Variants in TTC28 observed in about 807,000 individuals in gnomAD.
The protein encoded by TTC28 is tetratricopeptide repeat domain 28, also known as tetratricopeptide repeat protein 28.
A neutral mutation model predicts 198.0 loss-of-function variants in TTC28; 61 were observed. The ratio of observed to expected loss-of-function variants is 0.31; its 90% CI spans 0.25 to 0.38. The LOEUF is 0.38. Ranked by LOEUF, TTC28 falls within the 10% of genes least tolerant of loss-of-function variation. The pLI is 1.00. For missense variants in TTC28, 2,678 were observed against 3,164.0 expected, an observed-to-expected ratio of 0.85 and a Z score of 3.69; for synonymous variants, 1,171 against 1,297.8, an observed-to-expected ratio of 0.90 and a Z score of 2.10.
chr22:28,577,800 T>C (rs2050174392), intron 2 of TTC28, among the ~76,000 whole-genome samples: 1 of 152,186 alleles, frequency 6.6e-6, no homozygotes, highest in African/African-American at 2.4e-5. Context: ...TCTTTTTTGG[T>C]TTCCATTTGC....
intron 2 of TTC28, among the ~76,000 whole-genome samples, chr22:28,378,189 C>T (rs1019285009): frequency 4.0e-5 from 6 of 151,874 alleles, no homozygotes; most frequent in Admixed American, 1.3e-4. Context: ...CTAAAAAATA[C>T]AAGAACATTA....
chr22:28,036,962 T>C (rs1191101612), intron 12 of TTC28, among the ~76,000 whole-genome samples: 1 of 152,060 alleles, frequency 6.6e-6, no homozygotes, highest in Non-Finnish European at 1.5e-5. Context: ...CTCCCAAGAC[T>C]AAACTAGGAA....
intron 2 of TTC28, among the ~76,000 whole-genome samples, chr22:28,463,760 T>A (rs999650517): frequency 6.7e-6 from 1 of 149,454 alleles, no homozygotes; most frequent in Admixed American, 6.7e-5. Flanking sequence ...CGGGGCCTGT[T>A]GTGGGGTAGG....
At chr22:27,984,497 C>T (rs1601478591) in intron 22 of TTC28, among the ~76,000 whole-genome samples, 1 of 152,070 alleles carries the variant, frequency 6.6e-6, no homozygotes, top group East Asian at 1.9e-4. Flanking sequence ...CCTGGAATGC[C>T]CACAGGACAC....
chr22:28,636,924 A>G (rs1280063068), intron 1 of TTC28, among the ~76,000 whole-genome samples: 1 of 151,870 alleles, frequency 6.6e-6, no homozygotes, highest in Non-Finnish European at 1.5e-5. Context: ...TGTCACATCC[A>G]AAAAATCATT....
intron 2 of TTC28, among the ~76,000 whole-genome samples, chr22:28,597,796 C>T (rs559691782): frequency 6.6e-6 from 1 of 152,136 alleles, no homozygotes; most frequent in South Asian, 2.1e-4. Flanking sequence ...TTACCTTTTG[C>T]GGGGAGGTGG....
chr22:28,644,028 C>A (rs765853504), intron 1 of TTC28, among the ~76,000 whole-genome samples: 1 of 152,088 alleles, frequency 6.6e-6, no homozygotes, highest in Non-Finnish European at 1.5e-5. Context: ...TGATTCAAAC[C>A]CTTGTGCAGG....
intron 2 of TTC28, among the ~76,000 whole-genome samples, chr22:28,624,042 G>A (rs912473669): frequency 2.0e-5 from 3 of 152,046 alleles, no homozygotes; most frequent in African/African-American, 4.8e-5. Flanking sequence ...ATAAACAGCA[G>A]ACATCAGTGA....
At chr22:28,394,467 G>T (rs2046783758) in intron 2 of TTC28, among the ~76,000 whole-genome samples, 1 of 152,146 alleles carries the variant, frequency 6.6e-6, no homozygotes, top group Non-Finnish European at 1.5e-5. Flanking sequence ...AAAACTCTCA[G>T]CCCCACATAA....
chr22:28,326,605 T>C (rs1470596337), intron 2 of TTC28, among the ~76,000 whole-genome samples: 1 of 152,174 alleles, frequency 6.6e-6, no homozygotes, highest in African/African-American at 2.4e-5. Context: ...AATGCTTGTT[T>C]TATAATTAAA....
intron 12 of TTC28, among the ~76,000 whole-genome samples, chr22:28,077,526 C>T (rs1187687516): frequency 4.6e-5 from 7 of 152,206 alleles, no homozygotes; most frequent in Admixed American, 4.6e-4. Flanking sequence ...TTCGACCAGT[C>T]ATTTAAAAGA....
chr22:28,658,292 T>C (rs1462074124), intron 1 of TTC28, among the ~76,000 whole-genome samples: 1 of 152,204 alleles, frequency 6.6e-6, no homozygotes, highest in Non-Finnish European at 1.5e-5. Flanking sequence ...CCAGTAAATA[T>C]ATGAAATAAT....
At chr22:28,403,248 C>G (rs1364259195) in intron 2 of TTC28, among the ~76,000 whole-genome samples, 1 of 152,150 alleles carries the variant, frequency 6.6e-6, no homozygotes, top group Admixed American at 6.5e-5. Context: ...AGACCCAACA[C>G]GACTATCTAC....
At chr22:28,341,114 T>C (rs1176247928) in intron 2 of TTC28, among the ~76,000 whole-genome samples, 3 of 152,212 alleles carry the variant, frequency 2.0e-5, no homozygotes, top group Non-Finnish European at 4.4e-5. Flanking sequence ...CATCTATCTC[T>C]AAGGTCAAAA....
At chr22:28,074,604 G>A (rs1941106104) in intron 12 of TTC28, among the ~76,000 whole-genome samples, 1 of 152,170 alleles carries the variant, frequency 6.6e-6, no homozygotes, top group Admixed American at 6.6e-5. Context: ...GTGCAGAAGT[G>A]TCAGGCCCTG....
At chr22:28,179,881 A>G (rs1321784768) in intron 5 of TTC28, among the ~76,000 whole-genome samples, 2 of 152,242 alleles carry the variant, frequency 1.3e-5, no homozygotes, top group Admixed American at 6.5e-5. Flanking sequence ...GACACTATCT[A>G]GTGATTCTAT....
intron 2 of TTC28, among the ~76,000 whole-genome samples, chr22:28,592,405 C>T (rs1275360715): frequency 6.6e-6 from 1 of 151,984 alleles, no homozygotes; most frequent in Non-Finnish European, 1.5e-5. Flanking sequence ...AATCCTAGCA[C>T]TTTGGGAGGC....
At chr22:28,632,979 T>A (rs966877257) in intron 1 of TTC28, among the ~76,000 whole-genome samples, 5 of 150,038 alleles carry the variant, frequency 3.3e-5, no homozygotes, top group Admixed American at 1.3e-4. Flanking sequence ...AAAAAAAAAA[T>A]TATTTAAAAA....
intron 2 of TTC28, among the ~76,000 whole-genome samples, chr22:28,596,483 A>G (rs868753379): frequency 3.3e-4 from 50 of 152,214 alleles, no homozygotes; most frequent in African/African-American, 1.1e-3. Context: ...TGCCTAGTAG[A>G]TGGCACTAAA....
Sources: allele counts gnomAD v4.1 joint callset (sites outside exome capture counted in the v4.1 genomes callset), GRCh38; gene constraint gnomAD v4.1.1; transcripts MANE v1.5; gene names NCBI Gene and HGNC (gene_info 2026-07-23, HGNC 2026-07-21).